NAP1L1: variants seen among roughly 807,000 people sequenced by gnomAD.
The protein encoded by NAP1L1 is nucleosome assembly protein 1 like 1, also known as nucleosome assembly protein 1-like 1.
A neutral mutation model predicts 58.9 loss-of-function variants in NAP1L1; 9 were observed. The observed-to-expected ratio is 0.15, with a 90% CI of 0.09 to 0.27. The LOEUF is 0.27. Among genes scored for constraint, NAP1L1 ranks in the 10% least tolerant of loss-of-function variants. NAP1L1 has a pLI of 1.00. For synonymous variants in NAP1L1, 130 were observed against 138.3 expected (o/e 0.94, Z 0.42); for missense variants, 302 against 458.8 (o/e 0.66, Z 3.12).
intron 1 of NAP1L1, among the ~76,000 whole-genome samples, chr12:76,076,559 T>C (rs1293429565): frequency 1.0e-4 from 1 of 10,014 alleles, no homozygotes; most frequent in Non-Finnish European, 2.5e-4. Context: ...AATATATATA[T>C]ATATATATAT....
At position 76,053,781 on chromosome 12, in the gene NAP1L1, C is replaced by G; in HGVS notation, c.759G>C (p.Met253Ile). ...AAAATTAAACTCACCCTGTACAACC[C>G]ATAATTTCTGGTCCATCAAAAGAAA... is the stretch of plus-strand genomic sequence containing the variant. ...DPFSFDGPEI[M>I]GCTGCQIDWK... Residue 253 changes from methionine (M) to isoleucine (I), a missense_variant, in exon 9 of 15, where the codon ATG (methionine) becomes ATC (isoleucine). Physicochemically the swap from Met to Ile is conservative, Grantham distance 10. Coordinates refer to ENST00000618691, the MANE Select transcript of NAP1L1 (RefSeq NM_004537.7). 1 of 1,608,772 alleles carries G rather than the reference C, an allele frequency of 6.2e-7. No homozygotes were observed. The highest frequency in any genetic ancestry group is 8.5e-7 in the Non-Finnish European group (1 of 1,178,746).
chr12:76,054,079 G>T (rs1413628851), intron 8 of NAP1L1, among the ~76,000 whole-genome samples, 170 bp from the exon 9 acceptor site: 2 of 152,094 alleles, frequency 1.3e-5, no homozygotes, highest in African/African-American at 4.8e-5. Flanking sequence ...GCCCAGGCCG[G>T]AGTGCAGGGG....
chr12:76,058,155 T>A, intron 6 of NAP1L1: 1 of 645,070 alleles, frequency 1.6e-6, no homozygotes, highest in South Asian at 1.4e-5. Flanking sequence ...GTTAATGGCC[T>A]GAACTGACAG....
intron 2 of NAP1L1, among the ~76,000 whole-genome samples, chr12:76,071,136 T>C (rs1331169195): frequency 6.6e-6 from 1 of 152,192 alleles, no homozygotes; most frequent in East Asian, 1.9e-4. Context: ...AGATGCAAAC[T>C]CATGGATGCT....
intron 1 of NAP1L1, among the ~76,000 whole-genome samples, chr12:76,083,609 G>C (rs1950494360): frequency 1.3e-5 from 2 of 152,070 alleles, no homozygotes; most frequent in Admixed American, 6.5e-5. Context: ...AAAAAACCCT[G>C]ATCAAGACAC....
chr12:76,072,895 T>C (rs1169954416), intron 2 of NAP1L1, among the ~76,000 whole-genome samples: 1 of 152,146 alleles, frequency 6.6e-6, no homozygotes, highest in Non-Finnish European at 1.5e-5. Flanking sequence ...AGCTCCCTTG[T>C]ACTCTTCCAA....
chr12:76,049,037 T>C, intron 14 of NAP1L1, 163 bp downstream of exon 14: 1 of 646,302 alleles, frequency 1.5e-6, no homozygotes, highest in South Asian at 2.1e-5. Flanking sequence ...ACTGAAATTA[T>C]GTGTACTGTT....
Position 76,054,277 on chromosome 12 carries a change from A to G in NAP1L1, c.631-368T>C, listed in dbSNP as rs376642826. On this transcript the variant is annotated intron_variant, in intron 8 of 14. Coordinates refer to ENST00000618691, the MANE Select transcript of NAP1L1 (RefSeq NM_004537.7). The stretch of plus-strand genomic sequence containing the variant: ...CCTCCGGACCTCAAGTGATCCACCC[A>G]CCTCGGCCTCCCAAAGTGCTGGGAT... Among the ~76,000 whole-genome samples, 40 of 151,822 alleles carry G rather than the reference A, an allele frequency of 2.6e-4. 1 individual carries two copies. The highest frequency in any genetic ancestry group is 6.9e-3 in the Middle Eastern group (2 of 290).
At chr12:76,074,802 C>T (rs1950109272) in intron 1 of NAP1L1, among the ~76,000 whole-genome samples, 1 of 152,126 alleles carries the variant, frequency 6.6e-6, no homozygotes, top group Non-Finnish European at 1.5e-5. Flanking sequence ...TAGACTATTT[C>T]AAAAGCTCTA....
rs1243475241 is a variant in NAP1L1, at chr12:76,058,191, C to CTTCA, written c.429+1606_429+1607insTGAA. ...TAGATATGGCCAAAGGGAGAGAGGC[C>CTTCA]TACATATATATATATATATATATAT... On this transcript the variant is annotated intron_variant, in intron 6 of 14. Transcript: ENST00000618691. 5.8e-3 allele frequency: 1,840 copies of CTTCA among 315,390 alleles called. 122 individuals carry two copies. The African/African-American group carries it at 0.075, about 13-fold the overall frequency. The allele number at this position is 315,390 out of a possible 1,614,324, so 19.5% of individuals were successfully genotyped here. A position where few individuals can be genotyped will look rare whatever the true frequency, so the allele number is the denominator to read the frequency against.
In NAP1L1 at chr12:76,049,406, A is replaced by G. The variant is rs143980973; in HGVS notation, c.1090-156T>C. ...ATACAATTTAATTTGAAAGCTTCTA[A>G]TATGAAAAATTTCCCAACACAACTT... On this transcript the variant is annotated intron_variant, in intron 13 of 14. Coordinates refer to ENST00000618691, the MANE Select transcript of NAP1L1 (RefSeq NM_004537.7). The G allele has an allele frequency of 3.6e-4, 547 of 1,534,684 alleles. 1 individual carries two copies. The African/African-American group carries it at 6.3e-3, about 18-fold the overall frequency.
In NAP1L1 at chr12:76,053,355, C is replaced by CA. The variant is rs749390257; in HGVS notation, c.771-6dup. 9 of 1,604,588 alleles carry CA rather than the reference C, an allele frequency of 5.6e-6. No homozygotes were observed. The South Asian group carries it at 1.0e-4, about 18-fold the overall frequency. ...TTTTTCCAATCTATCTGGCACCTTG[C>CA]AAAACAAAGAAGAAAAATCTATTAC... On this transcript the variant is annotated splice_polypyrimidine_tract_variant and splice_region_variant and intron_variant, in intron 9 of 14. Coordinates refer to ENST00000618691, the MANE Select transcript of NAP1L1 (RefSeq NM_004537.7).
intron 6 of NAP1L1, 167 bp from the exon 7 acceptor site, chr12:76,056,328 A>G: frequency 4.9e-6 from 3 of 617,642 alleles, no homozygotes; most frequent in Non-Finnish European, 8.1e-6. Context: ...TCCCATCAAA[A>G]TTACTGCTAC....
At chr12:76,052,024 T>C (rs553804706) in intron 11 of NAP1L1, among the ~76,000 whole-genome samples, 1 of 151,100 alleles carries the variant, frequency 6.6e-6, no homozygotes, top group Non-Finnish European at 1.5e-5. Context: ...AAAAAAAAAA[T>C]AATAATAATA....
chr12:76,066,121 T>TA (rs1949656841), intron 4 of NAP1L1, among the ~76,000 whole-genome samples: 1 of 105,034 alleles, frequency 9.5e-6, no homozygotes, highest in African/African-American at 4.0e-5. Context: ...AATAAATAAA[T>TA]AAATAAATAA....
At chr12:76,064,453 A>C (rs1437422344) in intron 4 of NAP1L1, among the ~76,000 whole-genome samples, 1 of 152,202 alleles carries the variant, frequency 6.6e-6, no homozygotes, top group African/African-American at 2.4e-5. Flanking sequence ...TAAGAGTATT[A>C]AGGCCATAAA....
intron 9 of NAP1L1, 58 bp from the exon 10 acceptor site, chr12:76,053,408 T>C: frequency 6.4e-7 from 1 of 1,557,930 alleles, no homozygotes; most frequent in South Asian, 1.2e-5. Flanking sequence ...CTGCTAAACT[T>C]TTAGAAGTAA....
intron 4 of NAP1L1, among the ~76,000 whole-genome samples, chr12:76,062,363 CT>C (rs1469273478): frequency 6.6e-6 from 1 of 152,124 alleles, no homozygotes; most frequent in Non-Finnish European, 1.5e-5. Flanking sequence ...TGTCACAGAC[CT>C]TCATTTCTCC....
Position 76,072,282 on chromosome 12 carries a change from CA to C in NAP1L1, c.17+1920del, listed in dbSNP as rs929822168. 6.8e-5 allele frequency among the ~76,000 whole-genome samples: 9 copies of C among 132,844 alleles called. No homozygotes were observed. In the East Asian group the frequency reaches 1.9e-3, roughly 28 times the overall value. The allele number at this position is 132,844 out of a possible 152,430, so 87.2% of individuals were successfully genotyped here. ...AGAAAAGACATTATCATCAATGAAA[CA>C]AGAAGAGGATGCTATTTAAAAAAAA... On this transcript the variant is annotated intron_variant, in intron 2 of 14. Transcript: ENST00000618691.
Sources: gnomAD v4.1 joint callset for allele counts (sites outside exome capture counted in the v4.1 genomes callset) on GRCh38, gnomAD v4.1.1 for gene constraint, MANE v1.5 for transcripts, NCBI Gene and HGNC (gene_info 2026-07-23, HGNC 2026-07-21) for gene names.